PXDNL: variants seen among roughly 807,000 people sequenced by gnomAD.
PXDNL encodes probable oxidoreductase PXDNL.
In PXDNL, 145 loss-of-function variants were observed where a neutral mutation model predicts 150.8. The ratio of observed to expected loss-of-function variants is 0.96; its 90% confidence interval spans 0.84 to 1.10. The LOEUF (loss-of-function observed/expected upper bound fraction) is 1.10, where lower values mean the gene tolerates loss of function less well. Ranked by LOEUF, PXDNL falls within the 50% of genes least tolerant of loss-of-function variation. The pLI, the probability that PXDNL is intolerant of heterozygous loss-of-function variation, is 0.00. For synonymous variants in PXDNL, 757 were observed against 725.7 expected (o/e 1.04, Z -0.69); for missense variants, 2,087 against 1,873.9 (o/e 1.11, Z -2.10).
Position 51,354,760 on chromosome 8 carries a change from A to G in PXDNL, c.3902-8813T>C, listed in dbSNP as rs76938396. Among the ~76,000 whole-genome samples the G allele has an allele frequency of 2.9e-3, 440 of 152,176 alleles. 3 individuals are homozygous for G. Among genetic ancestry groups the G allele is most frequent in the Admixed American group, 6.3e-3 (97 of 15,288 alleles). On this transcript the variant is annotated intron_variant, in intron 19 of 22. Coordinates refer to ENST00000356297, the MANE Select transcript of PXDNL (RefSeq NM_144651.5). ...TGATATAGAAAAATTTTTCTTTCTT[A>G]TGTGATAGAATAGATTGTAAATAAA... is the stretch of plus-strand genomic sequence containing the variant.
At chr8:51,590,564 A>G (rs978311847) in intron 3 of PXDNL, among the ~76,000 whole-genome samples, 2 of 152,176 alleles carry the variant, frequency 1.3e-5, no homozygotes, top group African/African-American at 4.8e-5. Context: ...AATGGAGTAA[A>G]TGATTATTGT....
chr8:51,503,811 T>C (rs187817757), intron 4 of PXDNL, among the ~76,000 whole-genome samples: 2 of 152,330 alleles, frequency 1.3e-5, no homozygotes, highest in East Asian at 1.9e-4. Flanking sequence ...TCAATTATTA[T>C]CTCTATGCAG....
At chr8:51,807,498 C>G (rs914445759) in intron 1 of PXDNL, among the ~76,000 whole-genome samples, 1 of 152,130 alleles carries the variant, frequency 6.6e-6, no homozygotes, top group Non-Finnish European at 1.5e-5. Flanking sequence ...GGACACAGAT[C>G]CAAACCATAT....
intron 19 of PXDNL, among the ~76,000 whole-genome samples, chr8:51,348,176 C>A (rs561845801): frequency 6.6e-6 from 1 of 152,224 alleles, no homozygotes; most frequent in Admixed American, 6.5e-5. Context: ...CTTTTCAATT[C>A]TCATATAAAA....
intron 1 of PXDNL, among the ~76,000 whole-genome samples, chr8:51,743,049 A>C (rs1563306590): frequency 1.3e-5 from 2 of 152,230 alleles, no homozygotes; most frequent in Non-Finnish European, 2.9e-5. Context: ...AATTTGCAGA[A>C]GGGCAAAGGG....
At chr8:51,363,478 G>A (rs1219446647) in intron 19 of PXDNL, among the ~76,000 whole-genome samples, 2 of 152,082 alleles carry the variant, frequency 1.3e-5, no homozygotes, top group Admixed American at 6.6e-5. Flanking sequence ...CACGTGAGAG[G>A]GTAGTGATTG....
Position 51,696,750 on chromosome 8 carries a change from C to T in PXDNL, c.165-41990G>A, listed in dbSNP as rs567896068. 8.9e-5 allele frequency among the ~76,000 whole-genome samples: 10 copies of T among 112,920 alleles called. No individual in the cohort carries two copies. In the East Asian group the frequency reaches 2.6e-3, roughly 30 times the overall value. The allele number at this position is 112,920 out of a possible 152,430, so 74.1% of individuals were successfully genotyped here. A position where few individuals can be genotyped will look rare whatever the true frequency, so the allele number is the denominator to read the frequency against. ...CCACACACAGGTCCACACACATACC[C>T]ACCCACACATAGGTCTTCACAGGTC... On this transcript the variant is annotated intron_variant, in intron 1 of 22. Transcript: ENST00000356297.
intron 2 of PXDNL, 127 bp downstream of exon 2, chr8:51,654,562 A>G (rs1256007822): frequency 1.4e-6 from 1 of 697,028 alleles, no homozygotes; most frequent in Non-Finnish European, 2.5e-6. Context: ...TTTCCCAGTT[A>G]TAAGACATCT....
intron 4 of PXDNL, among the ~76,000 whole-genome samples, chr8:51,552,639 GGCATTA>G (rs1429097476): frequency 6.6e-6 from 1 of 152,120 alleles, no homozygotes; most frequent in Non-Finnish European, 1.5e-5. Flanking sequence ...AGGATGCAAA[GGCATTA>G]GAATTATATA....
chr8:51,439,627 C>T (rs777260002), intron 12 of PXDNL, among the ~76,000 whole-genome samples: 2 of 151,944 alleles, frequency 1.3e-5, no homozygotes, highest in Non-Finnish European at 2.9e-5. Context: ...GAGTTCAAGA[C>T]CAGCCTGGCC....
chr8:51,657,795 C>T (rs963034777), intron 1 of PXDNL, among the ~76,000 whole-genome samples: 16 of 152,162 alleles, frequency 1.1e-4, no homozygotes, highest in African/African-American at 3.6e-4. Context: ...TAGATTTAAA[C>T]TTATCACTGG....
At chr8:51,644,003 G>A (rs186572529) in intron 2 of PXDNL, among the ~76,000 whole-genome samples, 32 of 151,608 alleles carry the variant, frequency 2.1e-4, no homozygotes, top group Admixed American at 1.5e-3. Flanking sequence ...AAAATTAGCC[G>A]GGCATGGTGG....
Position 51,409,241 on chromosome 8 carries a change from G to T in PXDNL, c.2383C>A (p.Pro795Thr). 6.6e-7 allele frequency: 1 copy of T among 1,524,732 alleles called. No individual in the cohort carries two copies. The highest frequency in any genetic ancestry group is 8.8e-7 in the Non-Finnish European group (1 of 1,140,394). 94.5% of individuals were successfully genotyped at this position (1,524,732 alleles called of 1,614,324 possible). A position where few individuals can be genotyped will look rare whatever the true frequency, so the allele number is the denominator to read the frequency against. The part of the protein sequence containing the change: ...TVWARAAAVT[P>T]DHSYTRMLMH... ...AGCATGCGCGTGTAGCTGTGGTCGGGGGTGACGGCCGCCGCGCGCGCCCAC... is the reference window on the plus strand; with the variant it reads ...AGCATGCGCGTGTAGCTGTGGTCGGTGGTGACGGCCGCCGCGCGCGCCCAC... Residue 795 changes from proline to threonine, a missense_variant, in exon 17 of 23, where the codon CCC becomes ACC. Transcript: ENST00000356297.
rs1563395196 is a variant in PXDNL at position 51,404,367 on chromosome 8, GTGTTTA to G, written c.3557+3694_3557+3699del. Among the ~76,000 whole-genome samples the G allele has an allele frequency of 4.9e-3, 744 of 151,610 alleles. 19 individuals carry two copies. Among genetic ancestry groups the G allele is most frequent in the African/African-American group, 0.017 (712 of 40,892 alleles). ...CTGGTTTGACAGGGTGCTGATTGGT[GTGTTTA>G]CAATCCCTGAGCTAGACACAGAGTC... On this transcript the variant is annotated intron_variant, in intron 17 of 22. Transcript: ENST00000356297.
chr8:51,723,992 T>C (rs1816777357), intron 1 of PXDNL, among the ~76,000 whole-genome samples: 2 of 148,968 alleles, frequency 1.3e-5, no homozygotes, highest in Admixed American at 1.3e-4. Context: ...GTTTGAGGGT[T>C]GAATTGAATA....
At chr8:51,796,896 C>T (rs2037567066) in intron 1 of PXDNL, among the ~76,000 whole-genome samples, 1 of 152,200 alleles carries the variant, frequency 6.6e-6, no homozygotes, top group Non-Finnish European at 1.5e-5. Context: ...GGCCAATATC[C>T]TTGATGAGTA....
intron 1 of PXDNL, among the ~76,000 whole-genome samples, chr8:51,793,718 G>A (rs562915334): frequency 3.9e-5 from 6 of 152,156 alleles, no homozygotes; most frequent in East Asian, 3.9e-4. Context: ...GTGAAACACC[G>A]TCTGTACTAA....
At chr8:51,370,932 T>G (rs191467768) in intron 19 of PXDNL, among the ~76,000 whole-genome samples, 278 of 152,246 alleles carry the variant, frequency 1.8e-3, no homozygotes, top group African/African-American at 6.3e-3. Context: ...GGCTTTCAAT[T>G]TCCTCCCCTG....
At chr8:51,359,702 T>G (rs1047496890) in intron 19 of PXDNL, among the ~76,000 whole-genome samples, 1 of 152,132 alleles carries the variant, frequency 6.6e-6, no homozygotes, top group Non-Finnish European at 1.5e-5. Flanking sequence ...ATAAGGAAAG[T>G]TACATCTAAG....
Sources: allele counts gnomAD v4.1 joint callset (sites outside exome capture counted in the v4.1 genomes callset), GRCh38; gene constraint gnomAD v4.1.1; transcripts MANE v1.5; gene names NCBI Gene and HGNC (gene_info 2026-07-23, HGNC 2026-07-21).